Variants in CAST observed in about 807,000 individuals in gnomAD.
The protein encoded by CAST is calpastatin, also known as MIR583 host.
A neutral mutation model predicts 119.6 loss-of-function variants in CAST; 76 were observed. The ratio of observed to expected loss-of-function variants is 0.64; its 90% confidence interval spans 0.53 to 0.77. The LOEUF is 0.77. Ranked by LOEUF, CAST falls within the 30% of genes least tolerant of loss-of-function variation. The pLI, the probability that CAST is intolerant of heterozygous loss-of-function variation, is 0.00. For synonymous variants in CAST, 319 were observed against 331.6 expected (o/e 0.96, Z 0.41); for missense variants, 953 against 946.5 (o/e 1.01, Z -0.09).
At chr5:96,081,530 A>C in the CAST span, among the ~76,000 whole-genome samples, 1 of 152,186 alleles carries the variant, frequency 6.6e-6, no homozygotes, top group Non-Finnish European at 1.5e-5. Context: ...TGTACCTTAA[A>C]GGGGCAAGGG....
intron 10 of CAST, among the ~76,000 whole-genome samples, chr5:96,737,331 A>AC (rs1298382423): frequency 1.3e-5 from 2 of 152,130 alleles, no homozygotes; most frequent in African/African-American, 4.8e-5. Context: ...ACAAAAAAAA[A>AC]CATGAATGAA....
At chr5:96,271,687 G>A in the CAST span, among the ~76,000 whole-genome samples, 3 of 150,652 alleles carry the variant, frequency 2.0e-5, no homozygotes, top group East Asian at 5.8e-4. Flanking sequence ...AATGCTCCAG[G>A]ACATTGGTCT....
At chr5:96,288,567 T>C in the CAST span, among the ~76,000 whole-genome samples, 1 of 152,226 alleles carries the variant, frequency 6.6e-6, no homozygotes, top group Non-Finnish European at 1.5e-5. Context: ...AAAGCAAATG[T>C]ACAAAAATAA....
chr5:96,622,382 A>C (rs1009992250), intron 1 of CAST, among the ~76,000 whole-genome samples: 1 of 152,170 alleles, frequency 6.6e-6, no homozygotes, highest in African/African-American at 2.4e-5. Flanking sequence ...ATTTTGAAAA[A>C]CATATTCTCC....
At chr5:96,553,961 T>A (rs1370830797) in intron 1 of CAST, among the ~76,000 whole-genome samples, 2 of 152,178 alleles carry the variant, frequency 1.3e-5, no homozygotes, top group Non-Finnish European at 2.9e-5. Flanking sequence ...ATCAGTATTG[T>A]AAAAATGGCC....
the CAST span, among the ~76,000 whole-genome samples, chr5:95,993,914 G>A: frequency 4.6e-5 from 7 of 151,896 alleles, no homozygotes; most frequent in African/African-American, 1.7e-4. Context: ...AAACTAATTT[G>A]CATTAATTTA....
the CAST span, among the ~76,000 whole-genome samples, chr5:96,510,144 T>C: frequency 1.3e-5 from 2 of 152,222 alleles, no homozygotes; most frequent in African/African-American, 4.8e-5. Context: ...AAATTAGTCT[T>C]CTGGGAAGTC....
chr5:96,164,823 C>T, the CAST span, among the ~76,000 whole-genome samples: 2 of 152,048 alleles, frequency 1.3e-5, no homozygotes, highest in African/African-American at 4.8e-5. Context: ...TTTTCCTTTT[C>T]TTCTTTCTCT....
intron 1 of CAST, among the ~76,000 whole-genome samples, chr5:96,668,609 C>T (rs183183597): frequency 6.6e-6 from 1 of 152,196 alleles, no homozygotes; most frequent in East Asian, 1.9e-4. Context: ...ATTTGCCAGC[C>T]CCTGGGATAG....
At chr5:96,427,464 A>G in the CAST span, among the ~76,000 whole-genome samples, 1 of 152,172 alleles carries the variant, frequency 6.6e-6, no homozygotes, top group Non-Finnish European at 1.5e-5. Flanking sequence ...TCAACCTTCC[A>G]ATGCAAGTTT....
the CAST span, among the ~76,000 whole-genome samples, chr5:96,104,592 A>G: frequency 6.6e-6 from 1 of 151,858 alleles, no homozygotes; most frequent in Non-Finnish European, 1.5e-5. Flanking sequence ...CCTTTGATCT[A>G]TATCTCTGTT....
chr5:96,214,587 T>C, the CAST span, among the ~76,000 whole-genome samples: 1 of 152,330 alleles, frequency 6.6e-6, no homozygotes, highest in African/African-American at 2.4e-5. Flanking sequence ...ACTTACTGTG[T>C]TTGAGACACA....
chr5:96,762,299 CT>C lies in CAST; in HGVS notation c.1860del (p.Ala621ProfsTer41). 6.2e-7 allele frequency: 1 copy of C among 1,607,820 alleles called. No individual in the cohort carries two copies. Among genetic ancestry groups the C allele is most frequent in the Non-Finnish European group, 8.5e-7 (1 of 1,178,138 alleles). ...SLKFEDAKLA[A>X]AISEVVSQTP... ...AAATTTGAAGATGCTAAACTTGCTG[CT>C]GCCATCTCTGAAGTGGTTTCCCAAA... On this transcript the variant is annotated frameshift_variant, in exon 25 of 32. Transcript: ENST00000675179. LOFTEE classifies it high-confidence loss of function.
At chr5:96,754,576 A>C in intron 21 of CAST, 82 bp from the exon 22 acceptor site, 1 of 803,274 alleles carries the variant, frequency 1.2e-6, no homozygotes, top group Non-Finnish European at 2.1e-6. Context: ...AGATTTGTTT[A>C]CCTCAAATCT....
At chr5:96,278,616 T>G in the CAST span, 1 of 152,180 alleles carries the variant, frequency 6.6e-6, no homozygotes, top group Non-Finnish European at 1.5e-5. Flanking sequence ...TGGGATTGCT[T>G]ATTTCCATCC....
chr5:96,230,981 T>A, the CAST span, among the ~76,000 whole-genome samples: 2 of 152,034 alleles, frequency 1.3e-5, no homozygotes, highest in Non-Finnish European at 2.9e-5. Context: ...ATCAAGACAG[T>A]GACAAGTGCT....
chr5:96,249,771 CAT>C, the CAST span, among the ~76,000 whole-genome samples: 1 of 152,166 alleles, frequency 6.6e-6, no homozygotes, highest in Non-Finnish European at 1.5e-5. Context: ...ATTAGGAACT[CAT>C]AGATTCATAG....
At chr5:96,290,831 T>C in the CAST span, among the ~76,000 whole-genome samples, 8 of 152,220 alleles carry the variant, frequency 5.3e-5, no homozygotes, top group Non-Finnish European at 8.8e-5. Context: ...CCTCACCTCC[T>C]GGTGTTCTTG....
chr5:96,151,714 A>G, the CAST span, among the ~76,000 whole-genome samples: 2 of 152,314 alleles, frequency 1.3e-5, no homozygotes, highest in South Asian at 4.1e-4. Flanking sequence ...CATCCAATAA[A>G]CATTTGAGTG....
Sources: gnomAD v4.1 joint callset for allele counts (sites outside exome capture counted in the v4.1 genomes callset) on GRCh38, gnomAD v4.1.1 for gene constraint, MANE v1.5 for transcripts, NCBI Gene and HGNC (gene_info 2026-07-23, HGNC 2026-07-21) for gene names.